The following MLH3 variants were observed in gnomAD, a reference collection of about 807,000 sequenced individuals.
MLH3 encodes the protein DNA mismatch repair protein Mlh3.
A neutral mutation model predicts 122.2 loss-of-function variants in MLH3; 82 were observed. The ratio of observed to expected loss-of-function variants is 0.67; its 90% CI spans 0.56 to 0.81. MLH3 has a LOEUF of 0.81. Ranked by LOEUF, MLH3 falls within the 30% of genes least tolerant of loss-of-function variation. MLH3 has a pLI of 0.00. For synonymous variants in MLH3, 524 were observed against 599.5 expected, an observed-to-expected ratio of 0.87 and a Z score of 1.84; for missense variants, 1,539 against 1,714.5, an observed-to-expected ratio of 0.90 and a Z score of 1.81.
At chr14:75,018,701 C>CA in intron 12 of MLH3, 128 bp downstream of exon 12, 2 of 1,016,642 alleles carry the variant, frequency 2.0e-6, no homozygotes, top group Non-Finnish European at 3.1e-6. Flanking sequence ...GTGAAACTTC[C>CA]AGTGCAGATT....
At chr14:75,031,683 G>A (rs969503952) in intron 8 of MLH3, among the ~76,000 whole-genome samples, 3 of 152,186 alleles carry the variant, frequency 2.0e-5, no homozygotes, top group Admixed American at 6.6e-5. Context: ...GCATGGTGGT[G>A]CTCACCTGTA....
chr14:75,039,862 T>TATATATATATATATAC (rs1429105622), intron 5 of MLH3, 49 bp downstream of exon 5: 1 of 67,834 alleles, frequency 1.5e-5, no homozygotes, highest in Non-Finnish European at 3.4e-5. Context: ...TATATATATA[T>TATATATATATATATAC]ATATATATAT....
chr14:75,041,098 C>T (rs1352246426), intron 4 of MLH3, among the ~76,000 whole-genome samples: 1 of 151,996 alleles, frequency 6.6e-6, no homozygotes, highest in Non-Finnish European at 1.5e-5. Flanking sequence ...CTGTGTTGCC[C>T]AGGCTATAGT....
chr14:75,040,073 A>T, intron 4 of MLH3, 58 bp from the exon 5 acceptor site: 1 of 905,928 alleles, frequency 1.1e-6, no homozygotes, highest in Non-Finnish European at 1.8e-6. Flanking sequence ...GAATTGTTTT[A>T]CCAAAGATAT....
intron 7 of MLH3, 138 bp from the exon 8 acceptor site, chr14:75,032,317 C>A: frequency 1.5e-6 from 1 of 681,518 alleles, no homozygotes; most frequent in Admixed American, 2.3e-5. Flanking sequence ...TTTGGATTTC[C>A]ATTTTTAAAG....
Position 75,047,427 on chromosome 14 carries a change from C to T in MLH3, c.2229G>A (p.Lys743=). ...CTAGCTGTGAACTCAAGCTTAGCTTCTTACGGACGATTGGTTTGGAGAAAC... is the reference window on the plus strand; with the variant it reads ...CTAGCTGTGAACTCAAGCTTAGCTTTTTACGGACGATTGGTTTGGAGAAAC... ...LIGFSKPIVR[K]KLSLSSQLGS... is the part of the protein sequence containing the mutation. The change falls in exon 2 of 13, where the codon AAG becomes AAA. Residue 743 remains lysine, a synonymous_variant. Coordinates refer to ENST00000355774, the MANE Select transcript of MLH3 (RefSeq NM_001040108.2). 1 of 1,614,072 alleles carries T rather than the reference C, an allele frequency of 6.2e-7. No homozygotes were observed.
chr14:75,030,441 A>G (rs1890966647), intron 9 of MLH3, 102 bp downstream of exon 9: 1 of 1,208,934 alleles, frequency 8.3e-7, no homozygotes, highest in African/African-American at 1.5e-5. Flanking sequence ...GGTAAATACC[A>G]TGAATACTTG....
rs574209790 is a variant in MLH3, at chr14:75,014,064, T to G, written c.*3018A>C. ...AAACTGCTCTTCCTTCACTCCACTG[T>G]GCCATGACTGGCTCCCACCCGAAGC... On this transcript the variant is annotated 3_prime_UTR_variant, in exon 13 of 13. Transcript: ENST00000355774. The G allele has an allele frequency of 5.6e-6, 1 of 179,108 alleles. No homozygotes were observed. Among genetic ancestry groups the G allele is most frequent in the Non-Finnish European group, 1.2e-5 (1 of 83,688 alleles). 11.1% of individuals were successfully genotyped at this position (179,108 alleles called of 1,614,324 possible).
intron 6 of MLH3, among the ~76,000 whole-genome samples, chr14:75,037,421 T>C (rs537595115): frequency 6.6e-6 from 1 of 152,256 alleles, no homozygotes; most frequent in East Asian, 1.9e-4. Context: ...ATATCTTTTC[T>C]CATTATTGTA....
At chr14:75,038,681 T>G (rs1002266540) in intron 5 of MLH3, among the ~76,000 whole-genome samples, 2 of 151,996 alleles carry the variant, frequency 1.3e-5, no homozygotes, top group African/African-American at 4.8e-5. Flanking sequence ...TAGCAATACT[T>G]TAGAGAAGGC....
At chr14:75,040,167 C>A in intron 4 of MLH3, 152 bp from the exon 5 acceptor site, 1 of 542,712 alleles carries the variant, frequency 1.8e-6, no homozygotes, top group Non-Finnish European at 3.4e-6. Flanking sequence ...TCAAAAGAAT[C>A]GGCCGGGCGT....
In MLH3 at chr14:75,032,054, A is replaced by G; in HGVS notation, c.3827+14T>C. On this transcript the variant is annotated intron_variant, in intron 8 of 12. Coordinates refer to ENST00000355774, the MANE Select transcript of MLH3 (RefSeq NM_001040108.2). ...TTGATACCATCAACATCACATTCTCATGGTGGTACTGACCATAAGAGTCTC... is the reference window on the plus strand; with the variant it reads ...TTGATACCATCAACATCACATTCTCGTGGTGGTACTGACCATAAGAGTCTC... 3 of 1,400,108 alleles carry G rather than the reference A, an allele frequency of 2.1e-6. No homozygotes were observed. The highest frequency in any genetic ancestry group is 1.2e-5 in the South Asian group (1 of 86,672). 86.7% of individuals were successfully genotyped at this position (1,400,108 alleles called of 1,614,324 possible).
intron 12 of MLH3, 97 bp downstream of exon 12, chr14:75,018,732 G>A: frequency 7.1e-7 from 1 of 1,406,782 alleles, no homozygotes; most frequent in Non-Finnish European, 1.0e-6. Flanking sequence ...CTCCTATTTT[G>A]GAAAGGTTAA....
intron 11 of MLH3, among the ~76,000 whole-genome samples, chr14:75,022,347 T>G (rs1890339054): frequency 6.6e-6 from 1 of 152,252 alleles, no homozygotes; most frequent in South Asian, 2.1e-4. Flanking sequence ...GAACGCTTGC[T>G]AATTCTAATG....
In MLH3 at chr14:75,047,884, C is replaced by T; in HGVS notation, c.1772G>A (p.Gly591Glu). 1 of 1,613,430 alleles carries T rather than the reference C, an allele frequency of 6.2e-7. No individual in the cohort carries two copies. Among genetic ancestry groups the T allele is most frequent in the Non-Finnish European group, 8.5e-7 (1 of 1,179,836 alleles). The part of the protein sequence containing the change: ...KEKKKESSNC[G>E]RRNVFSYGRV... ...CCCATAACTAAAAACATTTCTTCTT[C>T]CACAATTGCTAGATTCTTTTTTTTT... Residue 591 changes from glycine to glutamate, a missense_variant, in exon 2 of 13, where the codon GGA (glycine) becomes GAA (glutamate). Coordinates refer to ENST00000355774, the MANE Select transcript of MLH3 (RefSeq NM_001040108.2).
chr14:75,033,389 A>G (rs1259919979), intron 7 of MLH3, 30 bp downstream of exon 7: 48 of 1,607,750 alleles, frequency 3.0e-5, no homozygotes, highest in Non-Finnish European at 4.0e-5. Flanking sequence ...GGGAGTCTCA[A>G]ATTTTTTCTG....
chr14:75,041,739 C>T (rs1891874000), intron 3 of MLH3, 39 bp from the exon 4 acceptor site: 1 of 1,469,818 alleles, frequency 6.8e-7, no homozygotes, highest in East Asian at 2.3e-5. Context: ...GCATCCAGAA[C>T]CACAGGGAAA....
intron 6 of MLH3, among the ~76,000 whole-genome samples, chr14:75,035,437 G>T (rs552760800): frequency 9.2e-5 from 14 of 152,276 alleles, no homozygotes; most frequent in Non-Finnish European, 1.9e-4. Context: ...CTGGTGAACC[G>T]CTTGAACCCA....
At chr14:75,039,155 C>G (rs1261367568) in intron 5 of MLH3, among the ~76,000 whole-genome samples, 1 of 152,202 alleles carries the variant, frequency 6.6e-6, no homozygotes, top group Non-Finnish European at 1.5e-5. Flanking sequence ...GCGCGCCCGG[C>G]TGCTAGTCTA....
Sources: gnomAD v4.1 joint callset for allele counts (sites outside exome capture counted in the v4.1 genomes callset) on GRCh38, gnomAD v4.1.1 for gene constraint, MANE v1.5 for transcripts, NCBI Gene and HGNC (gene_info 2026-07-23, HGNC 2026-07-21) for gene names.